Variants in GRIK2 observed in about 807,000 individuals in gnomAD.
GRIK2 encodes glutamate ionotropic receptor kainate type subunit 2, also known as glutamate receptor ionotropic, kainate 2.
GRIK2 carries 32 observed loss-of-function variants against 100.3 expected under a neutral mutation model. The ratio of observed to expected loss-of-function variants is 0.32; its 90% CI spans 0.24 to 0.43. GRIK2 has a LOEUF of 0.43. Among genes scored for constraint, GRIK2 ranks in the 20% least tolerant of loss-of-function variants. The pLI is 1.00. For missense variants in GRIK2, 843 were observed against 1,114.9 expected, an observed-to-expected ratio of 0.76 and a Z score of 3.47; for synonymous variants, 417 against 389.4, an observed-to-expected ratio of 1.07 and a Z score of -0.83.
At chr6:101,881,563 T>C (rs531604157) in intron 11 of GRIK2, among the ~76,000 whole-genome samples, 20 of 152,082 alleles carry the variant, frequency 1.3e-4, no homozygotes, top group Admixed American at 2.6e-4. Context: ...GAATTATCAC[T>C]GTGAAGAAAA....
At chr6:101,500,870 A>G (rs890666793) in intron 2 of GRIK2, among the ~76,000 whole-genome samples, 1 of 152,064 alleles carries the variant, frequency 6.6e-6, no homozygotes, top group Non-Finnish European at 1.5e-5. Context: ...GCAAGGTTTT[A>G]GTATAAATGA....
chr6:101,789,466 C>A (rs1391160903), intron 7 of GRIK2, among the ~76,000 whole-genome samples: 2 of 152,110 alleles, frequency 1.3e-5, no homozygotes, highest in African/African-American at 2.4e-5. Context: ...ATAGGGAATC[C>A]TTTCCCCATT....
intron 14 of GRIK2, among the ~76,000 whole-genome samples, chr6:102,028,163 T>C (rs182511281): frequency 4.4e-4 from 67 of 151,302 alleles, no homozygotes; most frequent in Admixed American, 3.9e-3. Flanking sequence ...AATTGTTAGA[T>C]GTGTGTTTAA....
intron 7 of GRIK2, among the ~76,000 whole-genome samples, chr6:101,688,820 T>A (rs2786252): frequency 2.0e-5 from 3 of 151,980 alleles, no homozygotes; most frequent in African/African-American, 2.4e-5. Context: ...AAGGTTTCTT[T>A]CAAAATAGAT....
chr6:101,423,142 C>T (rs927607670), intron 2 of GRIK2, among the ~76,000 whole-genome samples: 5 of 152,178 alleles, frequency 3.3e-5, no homozygotes, highest in African/African-American at 1.2e-4. Context: ...TATCCATCCA[C>T]CCCCATTCAG....
chr6:102,043,198 C>A (rs761093330), intron 15 of GRIK2, among the ~76,000 whole-genome samples: 73 of 151,538 alleles, frequency 4.8e-4, no homozygotes, highest in Non-Finnish European at 3.0e-5. Flanking sequence ...ATATTTATGA[C>A]GTAAAAGTGA....
chr6:101,564,946 C>T (rs898112922), intron 2 of GRIK2, among the ~76,000 whole-genome samples: 2 of 152,100 alleles, frequency 1.3e-5, no homozygotes, highest in Admixed American at 1.3e-4. Flanking sequence ...ATTATACTCT[C>T]TCTCCCTCCT....
intron 14 of GRIK2, among the ~76,000 whole-genome samples, chr6:102,024,549 G>A (rs1449606842): frequency 2.6e-5 from 4 of 151,106 alleles, no homozygotes; most frequent in African/African-American, 4.8e-5. Flanking sequence ...TGAATGGTTC[G>A]AACCTTAAAA....
At chr6:101,891,293 C>T (rs1014431979) in intron 12 of GRIK2, among the ~76,000 whole-genome samples, 1 of 151,714 alleles carries the variant, frequency 6.6e-6, no homozygotes, top group African/African-American at 2.4e-5. Flanking sequence ...CCAAGGCGGG[C>T]GGATCACAAA....
chr6:102,049,193 A>G (rs570360962), intron 15 of GRIK2, among the ~76,000 whole-genome samples: 63 of 152,240 alleles, frequency 4.1e-4, no homozygotes, highest in African/African-American at 1.4e-3. Flanking sequence ...GCAATAGATG[A>G]AAAAGGGAAC....
intron 7 of GRIK2, among the ~76,000 whole-genome samples, chr6:101,766,134 G>T (rs1323280916): frequency 6.6e-6 from 1 of 151,936 alleles, no homozygotes; most frequent in Non-Finnish European, 1.5e-5. Context: ...GATGAACAAA[G>T]TCCAGCATCA....
chr6:102,068,012 A>G (rs926897031), intron 16 of GRIK2, among the ~76,000 whole-genome samples: 4 of 151,856 alleles, frequency 2.6e-5, no homozygotes, highest in African/African-American at 9.7e-5. Flanking sequence ...TTGTATTTAA[A>G]TTTTAAAGTA....
At chr6:101,863,413 G>A (rs138942706) in intron 11 of GRIK2, among the ~76,000 whole-genome samples, 245 of 152,132 alleles carry the variant, frequency 1.6e-3, no homozygotes, top group African/African-American at 5.8e-3. Flanking sequence ...TTCTCTGCTG[G>A]GGCTGTACTC....
chr6:101,548,200 T>C (rs535597674), intron 2 of GRIK2, among the ~76,000 whole-genome samples: 1 of 152,144 alleles, frequency 6.6e-6, no homozygotes, highest in Admixed American at 6.5e-5. Flanking sequence ...GTTTGAGTTC[T>C]TTGTAGATTC....
chr6:101,540,757 T>C (rs1582673261), intron 2 of GRIK2, among the ~76,000 whole-genome samples: 1 of 151,992 alleles, frequency 6.6e-6, no homozygotes, highest in East Asian at 1.9e-4. Flanking sequence ...TTCTTTCTAA[T>C]TTAAATTTCC....
At chr6:101,692,173 T>C (rs1469628525) in intron 7 of GRIK2, among the ~76,000 whole-genome samples, 1 of 152,010 alleles carries the variant, frequency 6.6e-6, no homozygotes, top group African/African-American at 2.4e-5. Flanking sequence ...TATTTGCTTG[T>C]CTTAATTAAT....
intron 11 of GRIK2, among the ~76,000 whole-genome samples, chr6:101,859,838 A>G (rs919247700): frequency 1.3e-5 from 2 of 152,194 alleles, no homozygotes; most frequent in Admixed American, 6.5e-5. Flanking sequence ...TAAAGGAGTT[A>G]TATACATTTT....
chr6:102,052,057 G>A (rs1467581983), intron 15 of GRIK2, among the ~76,000 whole-genome samples: 4 of 152,122 alleles, frequency 2.6e-5, no homozygotes, highest in African/African-American at 9.7e-5. Context: ...GGCTGTTCAT[G>A]TCACAGGGAG....
intron 14 of GRIK2, among the ~76,000 whole-genome samples, chr6:102,017,485 T>C (rs911103828): frequency 5.9e-5 from 9 of 152,072 alleles, no homozygotes; most frequent in Admixed American, 6.6e-5. Context: ...TATTCCTAGG[T>C]ATAGTTTTTT....
Sources: gnomAD v4.1 joint callset for allele counts (sites outside exome capture counted in the v4.1 genomes callset) on GRCh38, gnomAD v4.1.1 for gene constraint, MANE v1.5 for transcripts, NCBI Gene and HGNC (gene_info 2026-07-23, HGNC 2026-07-21) for gene names.